TNIK: variants seen among roughly 807,000 people sequenced by gnomAD.
The protein encoded by TNIK is TRAF2 and NCK-interacting protein kinase.
TNIK carries 49 observed loss-of-function variants against 191.3 expected under a neutral mutation model. The observed-to-expected ratio is 0.26, with a 90% CI of 0.20 to 0.32. The LOEUF (loss-of-function observed/expected upper bound fraction) is 0.32. Ranked by LOEUF, TNIK falls within the 10% of genes least tolerant of loss-of-function variation. The pLI is 1.00. For synonymous variants in TNIK, 594 were observed against 600.9 expected, an observed-to-expected ratio of 0.99 and a Z score of 0.17; for missense variants, 1,155 against 1,702.3, an observed-to-expected ratio of 0.68 and a Z score of 5.66.
At chr3:171,081,637 C>G (rs1720693494) in intron 27 of TNIK, among the ~76,000 whole-genome samples, 1 of 150,902 alleles carries the variant, frequency 6.6e-6, no homozygotes, top group Admixed American at 6.6e-5. Flanking sequence ...TTCAACAAAA[C>G]TACCCTCTTT....
intron 1 of TNIK, among the ~76,000 whole-genome samples, chr3:171,395,024 A>C (rs1385496014): frequency 6.6e-6 from 1 of 152,204 alleles, no homozygotes; most frequent in South Asian, 2.1e-4. Flanking sequence ...CTGCATTATA[A>C]ACTAAACAAT....
intron 2 of TNIK, among the ~76,000 whole-genome samples, chr3:171,339,351 T>G (rs561231494): frequency 6.6e-6 from 1 of 152,302 alleles, no homozygotes; most frequent in South Asian, 2.1e-4. Flanking sequence ...TTCAGCTCAG[T>G]TCATTAGAGA....
chr3:171,209,064 G>GT (rs1553856583), intron 4 of TNIK, among the ~76,000 whole-genome samples: 1 of 142,016 alleles, frequency 7.0e-6, no homozygotes, highest in Non-Finnish European at 1.5e-5. Context: ...CTTTGGAAGG[G>GT]GTGTGTGTGT....
intron 22 of TNIK, among the ~76,000 whole-genome samples, chr3:171,099,555 C>A (rs952658879): frequency 6.6e-6 from 1 of 152,106 alleles, no homozygotes. Context: ...TAAGGCATAA[C>A]CCTTACCCTG....
chr3:171,428,003 T>G (rs1401303415), intron 1 of TNIK, among the ~76,000 whole-genome samples: 1 of 152,172 alleles, frequency 6.6e-6, no homozygotes, highest in African/African-American at 2.4e-5. Flanking sequence ...TGCTGGGGGC[T>G]GGGGGAGCAG....
In TNIK at chr3:171,241,089, G is replaced by A. The variant is rs530882200; in HGVS notation, c.124-12868C>T. ...CTTGTTGCCCAGTTTGGAGTGCAAC[G>A]GCACGATCTTGGCTCACCGCAACCT... On this transcript the variant is annotated intron_variant, in intron 2 of 32. Coordinates refer to ENST00000436636, the MANE Select transcript of TNIK (RefSeq NM_015028.4). 7.3e-5 allele frequency among the ~76,000 whole-genome samples: 11 copies of A among 150,920 alleles called. No individual in the cohort carries two copies. The South Asian group carries it at 1.9e-3, about 26-fold the overall frequency.
intron 1 of TNIK, among the ~76,000 whole-genome samples, chr3:171,397,535 A>G (rs967264461): frequency 3.0e-4 from 46 of 152,300 alleles, no homozygotes; most frequent in African/African-American, 1.1e-3. Context: ...CCAGCTACCC[A>G]TGTGAACTCC....
chr3:171,066,633 A>G lies in TNIK; in HGVS notation c.3802T>C (p.Tyr1268His), dbSNP rs1187717458. ...ACCACATCCTTAGTTATCCGGCCATAGGTGTTTACATACACCCCCTCATCC... is the reference window on the plus strand; with the variant it reads ...ACCACATCCTTAGTTATCCGGCCATGGGTGTTTACATACACCCCCTCATCC... Reference protein sequence around the residue: ...YEDEGVYVNTYGRITKDVVLQ... With the variant: ...YEDEGVYVNTHGRITKDVVLQ... The change falls in exon 31 of 33, where the codon TAT becomes CAT. Residue 1268 changes from tyrosine (Y) to histidine (H), a missense_variant. Transcript: ENST00000436636. 6.2e-7 allele frequency: 1 copy of G among 1,613,868 alleles called. No homozygotes were observed. The highest frequency in any genetic ancestry group is 1.7e-5 in the Admixed American group (1 of 60,012).
At chr3:171,225,531 T>C (rs1324918365) in intron 3 of TNIK, 1 of 456,208 alleles carries the variant, frequency 2.2e-6, no homozygotes, top group African/African-American at 2.0e-5. Context: ...AAAATGGCCT[T>C]ACCTCTGTAC....
At chr3:171,357,629 C>T (rs1714307213) in intron 2 of TNIK, among the ~76,000 whole-genome samples, 1 of 150,522 alleles carries the variant, frequency 6.6e-6, no homozygotes, top group South Asian at 2.1e-4. Context: ...AGGTAATGTC[C>T]CTGACTCAGT....
At chr3:171,305,389 C>G (rs1753341912) in intron 2 of TNIK, among the ~76,000 whole-genome samples, 1 of 152,128 alleles carries the variant, frequency 6.6e-6, no homozygotes, top group African/African-American at 2.4e-5. Flanking sequence ...TAAAGAGCTT[C>G]TGCATAGCAA....
chr3:171,426,269 G>A (rs996705175), intron 1 of TNIK, among the ~76,000 whole-genome samples: 1 of 151,862 alleles, frequency 6.6e-6, no homozygotes, highest in Non-Finnish European at 1.5e-5. Flanking sequence ...CATGGATGAA[G>A]CTGGACACCA....
chr3:171,433,124 A>G (rs1408839594), intron 1 of TNIK, among the ~76,000 whole-genome samples: 1 of 152,136 alleles, frequency 6.6e-6, no homozygotes, highest in Non-Finnish European at 1.5e-5. Flanking sequence ...ATTAATTTGC[A>G]TAATTAGAGA....
At chr3:171,114,209 T>C (rs1158103967) in intron 18 of TNIK, among the ~76,000 whole-genome samples, 1 of 152,218 alleles carries the variant, frequency 6.6e-6, no homozygotes, top group Non-Finnish European at 1.5e-5. Context: ...GCTTCCTCTC[T>C]GTTCCTAACA....
At chr3:171,075,632 A>T (rs1394969187) in intron 28 of TNIK, among the ~76,000 whole-genome samples, 1 of 151,636 alleles carries the variant, frequency 6.6e-6, no homozygotes, top group Non-Finnish European at 1.5e-5. Flanking sequence ...TTCTTAACTG[A>T]TTTCCCTGGG....
intron 3 of TNIK, among the ~76,000 whole-genome samples, chr3:171,223,839 C>T (rs2108971490): frequency 6.6e-6 from 1 of 152,240 alleles, no homozygotes; most frequent in Non-Finnish European, 1.5e-5. Flanking sequence ...GTTTTGAACA[C>T]ACTCACTATA....
chr3:171,070,239 C>A (rs1413051565), intron 29 of TNIK, among the ~76,000 whole-genome samples: 1 of 152,130 alleles, frequency 6.6e-6, no homozygotes, highest in Non-Finnish European at 1.5e-5. Flanking sequence ...AATCTATTTT[C>A]TTGAGCACAT....
In TNIK at chr3:171,366,109, G is replaced by A. The variant is rs1288246719; in HGVS notation, c.123+3511C>T. ...CCATTAGGTTCCCAATAGATGGCAT[G>A]CCAATAAACAGCCAAGACCTTTAGT... On this transcript the variant is annotated intron_variant, in intron 2 of 32. Transcript: ENST00000436636. This position sits in a 1 kb window ranked among gnomAD's most constrained non-coding sequence, Gnocchi z 4.1. Among the ~76,000 whole-genome samples, 2 of 152,210 alleles carry A rather than the reference G, an allele frequency of 1.3e-5. No homozygotes were observed. The highest frequency in any genetic ancestry group is 4.8e-5 in the African/African-American group (2 of 41,452).
At chr3:171,153,689 G>C (rs112997018) in intron 12 of TNIK, among the ~76,000 whole-genome samples, 1 of 152,160 alleles carries the variant, frequency 6.6e-6, no homozygotes, top group African/African-American at 2.4e-5. Context: ...ACACATCAAT[G>C]GTTTCCCACT....
Sources: allele counts gnomAD v4.1 joint callset (sites outside exome capture counted in the v4.1 genomes callset), GRCh38; gene constraint gnomAD v4.1.1; non-coding constraint Gnocchi (gnomAD v3.1); transcripts MANE v1.5; gene names NCBI Gene and HGNC (gene_info 2026-07-23, HGNC 2026-07-21).